Variants in OR6C1 observed in about 807,000 individuals in gnomAD.
The protein encoded by OR6C1 is olfactory receptor family 6 subfamily C member 1.
For missense variants in OR6C1, 386 were observed against 366.1 expected, an observed-to-expected ratio of 1.05 and a Z score of -0.44; for synonymous variants, 157 against 133.3, an observed-to-expected ratio of 1.18 and a Z score of -1.22.
intron 1 of OR6C1, among the ~76,000 whole-genome samples, chr12:55,315,408 A>C (rs1304342346): frequency 6.6e-6 from 1 of 151,662 alleles, no homozygotes; most frequent in Non-Finnish European, 1.5e-5. Context: ...AAAATTATAA[A>C]TGGCTAGTTA....
intron 1 of OR6C1, among the ~76,000 whole-genome samples, chr12:55,319,821 C>T (rs988554303): frequency 7.9e-5 from 12 of 152,110 alleles, no homozygotes; most frequent in East Asian, 1.9e-4. Flanking sequence ...TCAACTTTCA[C>T]AATGGCTAAG....
rs200626137 is a variant in OR6C1 at position 55,321,243 on chromosome 12, C to A, written c.644C>A (p.Ser215Tyr). 34 of 1,613,706 alleles carry A rather than the reference C, an allele frequency of 2.1e-5. No individual in the cohort carries two copies. The South Asian group carries it at 3.6e-4, about 17-fold the overall frequency. The change falls in exon 2 of 2, where the codon TCC becomes TAC. Residue 215 changes from serine (S) to tyrosine (Y), a missense_variant. Transcript: ENST00000642104. The part of the protein sequence containing the change: ...LMFTLALIFL[S>Y]YIYIIRTILR... ...TTCACTTTGGCATTAATATTTCTGT[C>A]CTACATATACATTATCAGAACAATT...
intron 1 of OR6C1, among the ~76,000 whole-genome samples, chr12:55,320,269 C>A (rs968613536): frequency 2.0e-5 from 3 of 152,134 alleles, no homozygotes; most frequent in Admixed American, 6.6e-5. Flanking sequence ...AGGGAGGAAA[C>A]TTGTAGGCAT....
At chr12:55,316,163 G>A (rs963370888) in intron 1 of OR6C1, among the ~76,000 whole-genome samples, 17 of 149,106 alleles carry the variant, frequency 1.1e-4, no homozygotes, top group African/African-American at 3.9e-4. Context: ...GAGCCAGTCA[G>A]TCCCTTATCT....
intron 1 of OR6C1, among the ~76,000 whole-genome samples, chr12:55,316,131 C>CACACACA (rs1555172618): frequency 1.8e-3 from 216 of 121,776 alleles, no homozygotes; most frequent in African/African-American, 7.5e-3. Context: ...ACACACACAC[C>CACACACA]CCCCGAGAGA....
chr12:55,320,533 T>A, intron 1 of OR6C1, 34 bp from the exon 2 acceptor site: 1 of 924,122 alleles, frequency 1.1e-6, no homozygotes, highest in Non-Finnish European at 1.7e-6. Flanking sequence ...AATTGATAAC[T>A]CTTCAAGTTT....
At chr12:55,320,432 C>CT (rs1298463314) in intron 1 of OR6C1, 135 bp from the exon 2 acceptor site, 3 of 579,576 alleles carry the variant, frequency 5.2e-6, no homozygotes. Flanking sequence ...TAAAGGACCA[C>CT]TGTTATTATC....
Position 55,320,994 on chromosome 12 carries a change from G to A in OR6C1, c.395G>A (p.Ser132Asn), listed in dbSNP as rs764320988. ...VAICKPLHCL[S>N]IMNRRVCTLL... Reference sequence around the variant, plus strand: ...ATCTGCAAGCCTCTGCATTGCTTGAGTATCATGAATCGAAGAGTCTGCACA... The same window carrying A: ...ATCTGCAAGCCTCTGCATTGCTTGAATATCATGAATCGAAGAGTCTGCACA... The change falls in exon 2 of 2, where the codon AGT becomes AAT. Residue 132 changes from serine (S) to asparagine (N), a missense_variant. Ser to Asn is a conservative substitution (Grantham distance 46, BLOSUM62 1). Transcript: ENST00000642104. 5.6e-6 allele frequency: 9 copies of A among 1,613,894 alleles called. No individual in the cohort carries two copies. The highest frequency in any genetic ancestry group is 7.6e-6 in the Non-Finnish European group (9 of 1,179,942).
Position 55,314,484 on chromosome 12 carries a change from A to T in OR6C1, c.-149A>T, listed in dbSNP as rs1868380638. ...TTGAAAATAGGAAGAAAATTTCTTCAATGAGAAAGTGAATGTTTTCAGAAA... is the reference window on the plus strand; with the variant it reads ...TTGAAAATAGGAAGAAAATTTCTTCTATGAGAAAGTGAATGTTTTCAGAAA... On this transcript the variant is annotated 5_prime_UTR_variant, in exon 1 of 2. Coordinates refer to ENST00000642104, the MANE Select transcript of OR6C1 (RefSeq NM_001005182.2). 6.6e-6 allele frequency: 1 copy of T among 151,674 alleles called. No homozygotes were observed. Among genetic ancestry groups the T allele is most frequent in the Admixed American group, 6.6e-5 (1 of 15,162 alleles). 9.4% of individuals were successfully genotyped at this position (151,674 alleles called of 1,614,324 possible).
intron 1 of OR6C1, among the ~76,000 whole-genome samples, chr12:55,319,973 T>C (rs1332735688): frequency 1.3e-5 from 2 of 152,100 alleles, no homozygotes; most frequent in African/African-American, 2.4e-5. Flanking sequence ...AAACCCCATC[T>C]CTACTAAAAA....
At position 55,320,790 on chromosome 12, in the gene OR6C1, T is replaced by C; in HGVS notation, c.191T>C (p.Phe64Ser). Residue 64 changes from phenylalanine to serine, a missense_variant, in exon 2 of 2, where the codon TTC (phenylalanine) becomes TCC (serine). Phe to Ser is a radical substitution (Grantham distance 155). Coordinates refer to ENST00000642104, the MANE Select transcript of OR6C1 (RefSeq NM_001005182.2). ...QTPMYFFLRN[F>S]SILEISFTTV... ...CCCATGTATTTCTTCCTCAGAAATT[T>C]CTCCATATTAGAAATTTCGTTCACA... The C allele has an allele frequency of 6.2e-7, 1 of 1,614,076 alleles. No homozygotes were observed. The highest frequency in any genetic ancestry group is 1.3e-5 in the African/African-American group (1 of 75,072).
In OR6C1 at chr12:55,321,438, C is replaced by G; in HGVS notation, c.839C>G (p.Ala280Gly). Residue 280 changes from alanine to glycine, a missense_variant, in exon 2 of 2, where the codon GCC becomes GGC. Physicochemically the swap from Ala to Gly is moderately conservative, Grantham distance 60 (BLOSUM62 0). Transcript: ENST00000642104. Reference protein sequence around the residue: ...KGVAILNTSVAPMMNPFIYSL... With the variant: ...KGVAILNTSVGPMMNPFIYSL... ...GTGGCAATACTAAACACCTCAGTAG[C>G]CCCCATGATGAACCCCTTTATTTAC... 2 of 1,613,634 alleles carry G rather than the reference C, an allele frequency of 1.2e-6. 1 individual carries two copies. Among genetic ancestry groups the G allele is most frequent in the South Asian group, 2.2e-5 (2 of 91,050 alleles).
At chr12:55,317,145 T>C (rs1868423472) in intron 1 of OR6C1, among the ~76,000 whole-genome samples, 1 of 151,966 alleles carries the variant, frequency 6.6e-6, no homozygotes. Flanking sequence ...CTCATGTCAG[T>C]AAATTGTTGA....
At position 55,321,770 on chromosome 12, in the gene OR6C1, T is replaced by C; in HGVS notation, c.*232T>C. ...TGTAAAATTACAAGCTCTTCAAGAA[T>C]ATTTTGAAAACTAAAATTATTCTTC... is the stretch of plus-strand genomic sequence containing the variant. On this transcript the variant is annotated 3_prime_UTR_variant, in exon 2 of 2. Transcript: ENST00000642104. 1 of 356,694 alleles carries C rather than the reference T, an allele frequency of 2.8e-6. No homozygotes were observed. The highest frequency in any genetic ancestry group is 5.0e-6 in the Non-Finnish European group (1 of 199,494). 22.1% of individuals were successfully genotyped at this position (356,694 alleles called of 1,614,324 possible). A position where few individuals can be genotyped will look rare whatever the true frequency, so the allele number is the denominator to read the frequency against.
intron 1 of OR6C1, among the ~76,000 whole-genome samples, chr12:55,319,824 T>C (rs1868492015): frequency 6.6e-6 from 1 of 152,132 alleles, no homozygotes. Flanking sequence ...ACTTTCACAA[T>C]GGCTAAGGAC....
rs1868381378 is a variant in OR6C1, at chr12:55,314,544, A to G, written c.-89A>G. The G allele has an allele frequency of 6.6e-6, 1 of 151,588 alleles. No individual in the cohort carries two copies. The highest frequency in any genetic ancestry group is 2.4e-5 in the African/African-American group (1 of 41,378). The allele number at this position is 151,588 out of a possible 1,614,324, so 9.4% of individuals were successfully genotyped here. On this transcript the variant is annotated 5_prime_UTR_variant, in exon 1 of 2. An upstream open reading frame in the 5' UTR loses its in-frame stop. Coordinates refer to ENST00000642104, the MANE Select transcript of OR6C1 (RefSeq NM_001005182.2). ...TACTGGATAGCAATGGCATTTGCTA[A>G]TATCTCTACTATTCCAGCCATTCTG... is the stretch of plus-strand genomic sequence containing the variant.
rs898427225 is a variant in OR6C1, at chr12:55,320,751, C to A, written c.152C>A (p.Ser51Tyr). 11 of 1,614,074 alleles carry A rather than the reference C, an allele frequency of 6.8e-6. No individual in the cohort carries two copies. The highest frequency in any genetic ancestry group is 9.3e-6 in the Non-Finnish European group (11 of 1,179,974). Residue 51 changes from serine (S) to tyrosine (Y), a missense_variant, in exon 2 of 2, where the codon TCC becomes TAC. Transcript: ENST00000642104. Reference protein sequence around the residue: ...LTLITITLLDSHLQTPMYFFL... With the variant: ...LTLITITLLDYHLQTPMYFFL... ...CTTATCACAATTACCCTGCTGGATT[C>A]CCACCTGCAGACCCCCATGTATTTC...
intron 1 of OR6C1, among the ~76,000 whole-genome samples, chr12:55,315,368 TG>T (rs1868392009): frequency 6.6e-6 from 1 of 151,750 alleles, no homozygotes; most frequent in African/African-American, 2.4e-5. Flanking sequence ...CACAGTTTTC[TG>T]TTAATTTATG....
intron 1 of OR6C1, among the ~76,000 whole-genome samples, chr12:55,320,232 T>C (rs1157713667): frequency 1.3e-5 from 2 of 152,152 alleles, no homozygotes; most frequent in African/African-American, 4.8e-5. Flanking sequence ...TAGGGATTTG[T>C]GCAAGAATAC....
Sources: allele counts gnomAD v4.1 joint callset (sites outside exome capture counted in the v4.1 genomes callset), GRCh38; gene constraint gnomAD v4.1.1; transcripts MANE v1.5; gene names NCBI Gene and HGNC (gene_info 2026-07-23, HGNC 2026-07-21).